Variants in IGFL2 observed in about 807,000 individuals in gnomAD.
IGFL2 encodes the protein insulin growth factor-like family member 2.
A neutral mutation model predicts 13.9 loss-of-function variants in IGFL2; 7 were observed. The ratio of observed to expected loss-of-function variants is 0.51; its 90% CI spans 0.29 to 0.95. IGFL2 has a LOEUF of 0.95. Among genes scored for constraint, IGFL2 ranks in the 40% least tolerant of loss-of-function variants. The pLI is 0.08. For missense variants in IGFL2, 138 were observed against 147.8 expected (o/e 0.93, Z 0.34); for synonymous variants, 55 against 55.8 (o/e 0.99, Z 0.07).
At chr19:46,151,052 C>T (rs548137767) in intron 1 of IGFL2, among the ~76,000 whole-genome samples, 25 of 152,284 alleles carry the variant, frequency 1.6e-4, no homozygotes, top group Admixed American at 3.9e-4. Flanking sequence ...AACTTCATAT[C>T]ATTTGCTTAT....
At chr19:46,200,165 TTTTTA>T in the IGFL2 span, among the ~76,000 whole-genome samples, 40 of 151,780 alleles carry the variant, frequency 2.6e-4, no homozygotes, top group South Asian at 8.3e-4. Context: ...TTTTTTTTAA[TTTTTA>T]TTTTATTTTA....
upstream of IGFL2, among the ~76,000 whole-genome samples, chr19:46,139,355 T>TA (rs397733474): frequency 4.5e-4 from 68 of 150,610 alleles, no homozygotes; most frequent in Middle Eastern, 3.4e-3. Context: ...TTTTTTTTTT[T>TA]AAAAACGAAA....
chr19:46,102,056 C>G, the IGFL2 span, among the ~76,000 whole-genome samples: 7 of 152,212 alleles, frequency 4.6e-5, no homozygotes. Context: ...AAGGAATGTG[C>G]TCTGGAGACT....
upstream of IGFL2, among the ~76,000 whole-genome samples, chr19:46,140,832 C>T (rs1972827281): frequency 6.6e-6 from 1 of 152,096 alleles, no homozygotes; most frequent in Admixed American, 6.6e-5. Context: ...CTCCAGGGGG[C>T]CCAGTCTAAG....
chr19:46,103,674 G>T, the IGFL2 span, among the ~76,000 whole-genome samples: 1 of 152,188 alleles, frequency 6.6e-6, no homozygotes, highest in South Asian at 2.1e-4. Flanking sequence ...CTAGACAGAA[G>T]ATAGTAGGGA....
chr19:46,129,458 G>A, the IGFL2 span, among the ~76,000 whole-genome samples: 3 of 151,598 alleles, frequency 2.0e-5, no homozygotes, highest in African/African-American at 7.3e-5. Flanking sequence ...GTGATGTTAG[G>A]TTGTGAAGCT....
upstream of IGFL2, among the ~76,000 whole-genome samples, chr19:46,145,877 C>T (rs574848499): frequency 9.9e-5 from 15 of 152,200 alleles, no homozygotes; most frequent in African/African-American, 3.6e-4. Context: ...TTCATATACT[C>T]TGGATTCAAG....
At chr19:46,203,346 C>T in the IGFL2 span, 1 of 152,894 alleles carries the variant, frequency 6.5e-6, no homozygotes, top group Non-Finnish European at 1.5e-5. Flanking sequence ...GTGCAGGTCA[C>T]AGGGGTTATG....
the IGFL2 span, chr19:46,124,175 G>A: frequency 1.7e-5 from 27 of 1,609,918 alleles, 2 homozygotes; most frequent in South Asian, 3.0e-4. Context: ...AGACATTGAT[G>A]GTGTACATCC....
At chr19:46,155,435 C>T (rs1302268042) in intron 1 of IGFL2, among the ~76,000 whole-genome samples, 2 of 152,126 alleles carry the variant, frequency 1.3e-5, no homozygotes, top group South Asian at 2.1e-4. Flanking sequence ...CTCAGACTCT[C>T]GCTGCTCTAT....
chr19:46,142,136 A>G (rs1367364409), upstream of IGFL2, among the ~76,000 whole-genome samples: 2 of 152,246 alleles, frequency 1.3e-5, no homozygotes, highest in African/African-American at 2.4e-5. Flanking sequence ...CTTTAAGCAC[A>G]ATGAAATAAT....
chr19:46,199,325 G>T, the IGFL2 span, among the ~76,000 whole-genome samples: 1 of 152,214 alleles, frequency 6.6e-6, no homozygotes, highest in South Asian at 2.1e-4. Flanking sequence ...TTCACCGTGG[G>T]TAGAGGTAGA....
the IGFL2 span, among the ~76,000 whole-genome samples, chr19:46,099,023 A>G: frequency 6.6e-6 from 1 of 152,178 alleles, no homozygotes; most frequent in Non-Finnish European, 1.5e-5. Flanking sequence ...CCTGGTGGTG[A>G]TGAATTCTCT....
At chr19:46,145,596 A>ATGTGTGTGTGTGTGTG (rs1287833769), upstream of IGFL2, among the ~76,000 whole-genome samples, 2 of 58,528 alleles carry the variant, frequency 3.4e-5, no homozygotes, top group African/African-American at 1.2e-4. Context: ...ACACACTCAT[A>ATGTGTGTGTGTGTGTG]TATATGTGTG....
the IGFL2 span, chr19:46,190,061 A>T: frequency 1.3e-5 from 2 of 152,166 alleles, no homozygotes; most frequent in African/African-American, 4.8e-5. Context: ...CCCAATATTA[A>T]ACACGGTGTT....
chr19:46,092,252 T>C, the IGFL2 span, among the ~76,000 whole-genome samples: 1 of 152,112 alleles, frequency 6.6e-6, no homozygotes, highest in Non-Finnish European at 1.5e-5. Context: ...CTCAAACTCC[T>C]GGGCTCAAGC....
the IGFL2 span, among the ~76,000 whole-genome samples, chr19:46,171,664 T>C: frequency 5.3e-4 from 80 of 152,328 alleles, no homozygotes; most frequent in Non-Finnish European, 9.1e-4. Context: ...TCATATTCCA[T>C]AGGTCTAGTC....
At chr19:46,194,846 A>T in the IGFL2 span, among the ~76,000 whole-genome samples, 1 of 34,888 alleles carries the variant, frequency 2.9e-5, no homozygotes, top group African/African-American at 9.0e-5. Flanking sequence ...ATATATATAT[A>T]TATATATTTT....
At chr19:46,185,099 GT>G in the IGFL2 span, among the ~76,000 whole-genome samples, 2 of 151,884 alleles carry the variant, frequency 1.3e-5, no homozygotes, top group East Asian at 1.9e-4. Context: ...GGGGTTTTTG[GT>G]TTTTTTTCTT....
Sources: allele counts gnomAD v4.1 joint callset (sites outside exome capture counted in the v4.1 genomes callset), GRCh38; gene constraint gnomAD v4.1.1; transcripts MANE v1.5; gene names NCBI Gene and HGNC (gene_info 2026-07-23, HGNC 2026-07-21).